PBRM1: variants seen among roughly 807,000 people sequenced by gnomAD.
PBRM1 encodes protein polybromo-1.
Under a neutral mutation model 194.5 loss-of-function variants are expected in PBRM1, and 27 were observed. The ratio of observed to expected loss-of-function variants is 0.14; its 90% CI spans 0.10 to 0.19. The LOEUF is 0.19. Ranked by LOEUF, PBRM1 falls within the 10% of genes least tolerant of loss-of-function variation. The probability of loss-of-function intolerance (pLI) is 1.00; values close to 1 mark genes in which losing one functional copy is unlikely to be tolerated. For missense variants in PBRM1, 1,466 were observed against 2,077.2 expected (o/e 0.71, Z 5.72); for synonymous variants, 655 against 693.2 (o/e 0.94, Z 0.87).
chr3:52,641,423 G>A (rs1179953348), intron 10 of PBRM1, among the ~76,000 whole-genome samples: 6 of 137,916 alleles, frequency 4.4e-5, no homozygotes, highest in African/African-American at 1.3e-4. Context: ...CTCCAGCCTG[G>A]GCAACAGAGC....
rs1403684802 is a variant in PBRM1, at chr3:52,609,086, T to C, written c.2567+227A>G. ...GCTTTTCAAGAGATTTTCAATTTTG[T>C]CTTCCTCCTCACTGGCCTTAAACTA... On this transcript the variant is annotated intron_variant, in intron 16 of 29. Transcript: ENST00000296302. The surrounding 1 kb of genome is among the most constrained non-coding windows in gnomAD (Gnocchi z 4.1). 7.0e-6 allele frequency: 3 copies of C among 429,276 alleles called. No individual in the cohort carries two copies. Among genetic ancestry groups the C allele is most frequent in the Admixed American group, 8.0e-5 (2 of 25,068 alleles). The allele number at this position is 429,276 out of a possible 1,614,324, so 26.6% of individuals were successfully genotyped here. A position where few individuals can be genotyped will look rare whatever the true frequency, so the allele number is the denominator to read the frequency against.
At chr3:52,584,337 A>T (rs559385849) in intron 20 of PBRM1, among the ~76,000 whole-genome samples, 1 of 151,208 alleles carries the variant, frequency 6.6e-6, no homozygotes, top group African/African-American at 2.4e-5. Flanking sequence ...TTACTAGTTT[A>T]TATATGAAGA....
intron 3 of PBRM1, among the ~76,000 whole-genome samples, chr3:52,664,196 G>A (rs2096782197): frequency 6.6e-6 from 1 of 151,844 alleles, no homozygotes; most frequent in Non-Finnish European, 1.5e-5. Context: ...AATAGCCAGT[G>A]CACTCCAGCC....
At chr3:52,678,407 C>A in intron 2 of PBRM1, 93 bp downstream of exon 3, 1 of 771,196 alleles carries the variant, frequency 1.3e-6, no homozygotes. Context: ...TTAAGCCATT[C>A]CTGCCAACAA....
chr3:52,579,230 T>C (rs756053448), intron 20 of PBRM1, 31 bp from the exon 23 acceptor site: 158 of 1,598,350 alleles, frequency 9.9e-5, no homozygotes, highest in Non-Finnish European at 1.3e-4. Context: ...TGAAGAAAGG[T>C]AGTTGATAAT....
intron 5 of PBRM1, among the ~76,000 whole-genome samples, chr3:52,657,380 A>C (rs2096627145): frequency 6.6e-6 from 1 of 152,252 alleles, no homozygotes; most frequent in Non-Finnish European, 1.5e-5. Context: ...AAAAAATAAA[A>C]TCATAACCTT....
At chr3:52,591,861 C>T in intron 17 of PBRM1, among the ~76,000 whole-genome samples, 1 of 118,990 alleles carries the variant, frequency 8.4e-6, no homozygotes, top group South Asian at 3.0e-4. Context: ...CTCTGATGCT[C>T]TGATGCCCAG....
At chr3:52,597,643 T>C (rs2093673747) in intron 17 of PBRM1, among the ~76,000 whole-genome samples, 1 of 152,094 alleles carries the variant, frequency 6.6e-6, no homozygotes, top group Non-Finnish European at 1.5e-5. Context: ...ACTACAACCC[T>C]GAACTCCTGG....
chr3:52,683,134 C>T (rs764472616), upstream of PBRM1, among the ~76,000 whole-genome samples: 2 of 151,702 alleles, frequency 1.3e-5, no homozygotes, highest in Admixed American at 1.3e-4. Flanking sequence ...ACCCGGGAGG[C>T]GGAGGTTGCA....
intron 13 of PBRM1, among the ~76,000 whole-genome samples, chr3:52,626,343 A>G (rs897230572): frequency 2.6e-5 from 4 of 152,358 alleles, no homozygotes; most frequent in Middle Eastern, 3.4e-3. Flanking sequence ...AATGCTATCT[A>G]TAAGAAGGAA....
chr3:52,663,275 G>A (rs1657649128), intron 3 of PBRM1, among the ~76,000 whole-genome samples: 1 of 152,284 alleles, frequency 6.6e-6, no homozygotes, highest in Admixed American at 6.5e-5. Flanking sequence ...GGAAGACAAA[G>A]GTCAGGGTCT....
At chr3:52,561,904 C>T (rs2153493264) in exon 25 of PBRM1, 1 of 1,614,056 alleles carries the variant, frequency 6.2e-7, no homozygotes. Context: ...GATGTAGCCA[C>T]TCATGTTGAT....
chr3:52,670,631 C>T (rs548299999), intron 2 of PBRM1, among the ~76,000 whole-genome samples: 34 of 152,328 alleles, frequency 2.2e-4, no homozygotes, highest in South Asian at 1.5e-3. Context: ...GACAGCCTGC[C>T]GGCTACTCCC....
intron 7 of PBRM1, 99 bp downstream of exon 8, chr3:52,648,245 T>C: frequency 1.4e-6 from 1 of 707,728 alleles, no homozygotes; most frequent in Non-Finnish European, 2.4e-6. Context: ...CCATGGTATG[T>C]GAATTATATC....
chr3:52,648,189 G>A lies in PBRM1; in HGVS notation c.813+155C>T, dbSNP rs34757451. On this transcript the variant is annotated intron_variant, in intron 7 of 29. Coordinates refer to ENST00000296302, the Ensembl canonical transcript of PBRM1. ...CACAAAGTGCCGGGATTACAGGCGTGAGCCACTGCGCCCAGCCTAAATTAA... is the reference window on the plus strand; with the variant it reads ...CACAAAGTGCCGGGATTACAGGCGTAAGCCACTGCGCCCAGCCTAAATTAA... Among the ~76,000 whole-genome samples the A allele has an allele frequency of 0.34, 52,048 of 152,066 alleles. 9,922 individuals are homozygous for A. Among genetic ancestry groups the A allele is most frequent in the Admixed American group, 0.46 (7,058 of 15,274 alleles).
chr3:52,552,389 C>G (rs2081194829), intron 27 of PBRM1, among the ~76,000 whole-genome samples: 1 of 152,202 alleles, frequency 6.6e-6, no homozygotes, highest in African/African-American at 2.4e-5. Context: ...TCTAAGCCTG[C>G]TCAGACATGT....
At chr3:52,567,155 C>CT (rs1362333178) in intron 22 of PBRM1, among the ~76,000 whole-genome samples, 3 of 151,108 alleles carry the variant, frequency 2.0e-5, no homozygotes, top group Admixed American at 1.3e-4. Flanking sequence ...TAGCATATCA[C>CT]TTAAAACTGT....
At chr3:52,551,155 T>C (rs1191053528) in intron 27 of PBRM1, among the ~76,000 whole-genome samples, 1 of 152,216 alleles carries the variant, frequency 6.6e-6, no homozygotes, top group Non-Finnish European at 1.5e-5. Flanking sequence ...GACAACACAT[T>C]CTCCTGCAAC....
Position 52,662,424 on chromosome 3 carries a change from C to T in PBRM1, c.385-148G>A, listed in dbSNP as rs559133637. On this transcript the variant is annotated intron_variant, in intron 3 of 29. Transcript: ENST00000296302. ...TTAAAACATATATGGGTCCAAATCC[C>T]GCTTCCAAAAAATTAAGTGTATGTT... 68 of 610,016 alleles carry T rather than the reference C, an allele frequency of 1.1e-4. 1 individual carries two copies. The South Asian group carries it at 1.3e-3, about 12-fold the overall frequency. 37.8% of individuals were successfully genotyped at this position (610,016 alleles called of 1,614,324 possible).
Sources: allele counts gnomAD v4.1 joint callset (sites outside exome capture counted in the v4.1 genomes callset), GRCh38; gene constraint gnomAD v4.1.1; non-coding constraint Gnocchi (gnomAD v3.1); transcripts MANE v1.5; gene names NCBI Gene and HGNC (gene_info 2026-07-23, HGNC 2026-07-21).